Variants in SCHIP1 observed in about 807,000 individuals in gnomAD.
SCHIP1 encodes the protein schwannomin-interacting protein 1.
In SCHIP1, 8 loss-of-function variants were observed where a neutral mutation model predicts 29.7. That is an observed-to-expected ratio of 0.27 (90% CI 0.16 to 0.49). The LOEUF is 0.49. Among genes scored for constraint, SCHIP1 ranks in the 20% least tolerant of loss-of-function variants. The pLI is 0.99. For missense variants in SCHIP1, 193 were observed against 294.6 expected (o/e 0.66, Z 2.52); for synonymous variants, 76 against 94.9 (o/e 0.80, Z 1.16).
chr3:159,790,543 G>C, the SCHIP1 span, among the ~76,000 whole-genome samples: 5 of 152,128 alleles, frequency 3.3e-5, no homozygotes, highest in Admixed American at 6.5e-5. Context: ...AAATTTAGCT[G>C]GCCATGGTGG....
the SCHIP1 span, among the ~76,000 whole-genome samples, chr3:159,638,642 G>A: frequency 6.6e-6 from 1 of 151,776 alleles, no homozygotes; most frequent in Non-Finnish European, 1.5e-5. Context: ...CAGCTAGAGG[G>A]GGTGCGATCT....
At chr3:159,549,673 T>C in the SCHIP1 span, among the ~76,000 whole-genome samples, 7 of 152,114 alleles carry the variant, frequency 4.6e-5, no homozygotes, top group Non-Finnish European at 1.0e-4. Flanking sequence ...AAAATTAATT[T>C]CTGTTGTATA....
At chr3:159,555,031 C>A in the SCHIP1 span, among the ~76,000 whole-genome samples, 4 of 152,120 alleles carry the variant, frequency 2.6e-5, no homozygotes, top group African/African-American at 9.7e-5. Context: ...CAGCACCACA[C>A]ACACATATTA....
chr3:159,709,923 A>G, the SCHIP1 span, among the ~76,000 whole-genome samples: 1 of 152,248 alleles, frequency 6.6e-6, no homozygotes, highest in African/African-American at 2.4e-5. Context: ...GCTATTATCA[A>G]AAAGATGAGA....
the SCHIP1 span, among the ~76,000 whole-genome samples, chr3:159,343,099 G>A: frequency 3.9e-5 from 6 of 151,932 alleles, no homozygotes; most frequent in Non-Finnish European, 7.4e-5. Context: ...CTCATAATAC[G>A]CTATGAAATA....
chr3:159,669,115 C>T, the SCHIP1 span, among the ~76,000 whole-genome samples: 6 of 152,290 alleles, frequency 3.9e-5, no homozygotes, highest in African/African-American at 2.4e-5. Context: ...GGTCAAGTTA[C>T]TCAACTTTCT....
At chr3:159,295,288 G>A in the SCHIP1 span, among the ~76,000 whole-genome samples, 2 of 147,380 alleles carry the variant, frequency 1.4e-5, no homozygotes, top group African/African-American at 5.1e-5. Flanking sequence ...AACTAGCCAG[G>A]CATGGTGGTG....
At chr3:159,281,901 G>A in the SCHIP1 span, among the ~76,000 whole-genome samples, 81 of 152,162 alleles carry the variant, frequency 5.3e-4, no homozygotes, top group Admixed American at 2.1e-3. Context: ...TGGAGATTCC[G>A]AAATGTGTAT....
At chr3:159,393,414 C>A in the SCHIP1 span, among the ~76,000 whole-genome samples, 17 of 151,930 alleles carry the variant, frequency 1.1e-4, 1 homozygote, top group East Asian at 1.2e-3. Flanking sequence ...ATGGTAATGC[C>A]TAGGTTTTCT....
the SCHIP1 span, among the ~76,000 whole-genome samples, chr3:159,464,203 C>A: frequency 3.3e-5 from 5 of 152,106 alleles, no homozygotes; most frequent in African/African-American, 9.7e-5. Flanking sequence ...TCTTTTGTGG[C>A]CTCGTTTCCT....
At chr3:159,532,740 G>A in the SCHIP1 span, among the ~76,000 whole-genome samples, 1 of 152,096 alleles carries the variant, frequency 6.6e-6, no homozygotes, top group Non-Finnish European at 1.5e-5. Context: ...CTGCCTATAG[G>A]AAATGCCCCC....
At chr3:159,377,598 G>C in the SCHIP1 span, among the ~76,000 whole-genome samples, 1 of 152,158 alleles carries the variant, frequency 6.6e-6, no homozygotes, top group African/African-American at 2.4e-5. Context: ...AGGAAGTGAT[G>C]GTTTATGGGT....
intron 2 of SCHIP1, among the ~76,000 whole-genome samples, chr3:159,868,549 G>A (rs147198066): frequency 1.3e-5 from 2 of 152,144 alleles, no homozygotes; most frequent in African/African-American, 4.8e-5. Context: ...TGTAAATTAT[G>A]CATTATTCCC....
chr3:159,767,443 T>C, the SCHIP1 span, among the ~76,000 whole-genome samples: 1 of 152,192 alleles, frequency 6.6e-6, no homozygotes, highest in East Asian at 1.9e-4. Flanking sequence ...AGGGAATTTA[T>C]GACCATGAGG....
chr3:159,586,520 G>T, the SCHIP1 span, among the ~76,000 whole-genome samples: 1 of 152,114 alleles, frequency 6.6e-6, no homozygotes, highest in Non-Finnish European at 1.5e-5. Flanking sequence ...CTGTCTCATT[G>T]TATTAAATGC....
chr3:159,842,129 C>T (rs1219790844), intron 1 of SCHIP1, among the ~76,000 whole-genome samples: 1 of 151,986 alleles, frequency 6.6e-6, no homozygotes, highest in Non-Finnish European at 1.5e-5. Context: ...GGAAACTTCC[C>T]CACCATTTTA....
the SCHIP1 span, among the ~76,000 whole-genome samples, chr3:159,650,610 A>C: frequency 6.6e-6 from 1 of 152,168 alleles, no homozygotes; most frequent in African/African-American, 2.4e-5. Context: ...GAAAAATAAA[A>C]GTGCAAAGTG....
At chr3:159,642,779 G>C in the SCHIP1 span, among the ~76,000 whole-genome samples, 1 of 152,140 alleles carries the variant, frequency 6.6e-6, no homozygotes, top group Non-Finnish European at 1.5e-5. Flanking sequence ...CCACCTTATA[G>C]TCAGCAAGCC....
At chr3:159,307,683 T>C in the SCHIP1 span, among the ~76,000 whole-genome samples, 1 of 152,204 alleles carries the variant, frequency 6.6e-6, no homozygotes, top group African/African-American at 2.4e-5. Flanking sequence ...GTTGTCTGTC[T>C]TCCAGGATTT....
Sources: gnomAD v4.1 joint callset for allele counts (sites outside exome capture counted in the v4.1 genomes callset) on GRCh38, gnomAD v4.1.1 for gene constraint, MANE v1.5 for transcripts, NCBI Gene and HGNC (gene_info 2026-07-23, HGNC 2026-07-21) for gene names.